Variants in GRID2 observed in about 807,000 individuals in gnomAD.
GRID2 encodes the protein glutamate receptor ionotropic, delta-2.
Under a neutral mutation model 114.8 loss-of-function variants are expected in GRID2, and 33 were observed. The observed-to-expected ratio is 0.29, with a 90% CI of 0.22 to 0.38. GRID2 has a LOEUF of 0.38. Among genes scored for constraint, GRID2 ranks in the 10% least tolerant of loss-of-function variants. GRID2 has a pLI of 1.00. For synonymous variants in GRID2, 505 were observed against 449.9 expected (o/e 1.12, Z -1.55); for missense variants, 1,184 against 1,257.7 (o/e 0.94, Z 0.89).
At chr4:93,396,909 G>A (rs1428586245) in intron 9 of GRID2, among the ~76,000 whole-genome samples, 2 of 151,890 alleles carry the variant, frequency 1.3e-5, no homozygotes, top group Non-Finnish European at 2.9e-5. Context: ...GTTTCAAAAC[G>A]TAATAGTCCA....
chr4:93,804,059 T>C (rs1421600269), intron 1 of GRID2, among the ~76,000 whole-genome samples: 3 of 152,174 alleles, frequency 2.0e-5, no homozygotes, highest in African/African-American at 7.2e-5. Flanking sequence ...TCCTTCACTT[T>C]GCAGGTTTTA....
intron 12 of GRID2, among the ~76,000 whole-genome samples, chr4:93,511,921 A>G (rs1729232198): frequency 6.6e-6 from 1 of 151,948 alleles, no homozygotes; most frequent in Non-Finnish European, 1.5e-5. Context: ...ATCTGGGATT[A>G]CAGGTGCATG....
chr4:93,440,131 C>T (rs10010189), intron 10 of GRID2, among the ~76,000 whole-genome samples: 12,467 of 152,020 alleles, frequency 0.082, 655 homozygotes, highest in African/African-American at 0.15. Context: ...GGGTTCTCAG[C>T]TGGGTGCCTG....
intron 8 of GRID2, among the ~76,000 whole-genome samples, chr4:93,377,403 G>T (rs547901024): frequency 6.6e-6 from 1 of 152,056 alleles, no homozygotes; most frequent in Non-Finnish European, 1.5e-5. Context: ...TCCTTGTAAG[G>T]TTAATTGGGT....
chr4:92,729,574 A>G (rs763455405), intron 2 of GRID2, among the ~76,000 whole-genome samples: 8 of 152,038 alleles, frequency 5.3e-5, no homozygotes, highest in Non-Finnish European at 1.2e-4. Context: ...TTAATGCGCT[A>G]AAGCGTAAGG....
At chr4:92,735,527 C>A (rs1173113065) in intron 2 of GRID2, among the ~76,000 whole-genome samples, 1 of 152,058 alleles carries the variant, frequency 6.6e-6, no homozygotes, top group East Asian at 1.9e-4. Flanking sequence ...ATGGGGACTA[C>A]TGTGTTTATT....
At chr4:92,988,917 C>T (rs572105481) in intron 2 of GRID2, among the ~76,000 whole-genome samples, 1 of 152,206 alleles carries the variant, frequency 6.6e-6, no homozygotes, top group South Asian at 2.1e-4. Flanking sequence ...TCAAGGTATT[C>T]TGTGTTTCCT....
intron 12 of GRID2, among the ~76,000 whole-genome samples, chr4:93,495,806 A>G (rs969285417): frequency 6.6e-6 from 1 of 151,786 alleles, no homozygotes; most frequent in Non-Finnish European, 1.5e-5. Flanking sequence ...CAGAAACTTC[A>G]TATTTCTAGG....
chr4:92,921,702 C>T (rs1749354466), intron 2 of GRID2, among the ~76,000 whole-genome samples: 1 of 152,156 alleles, frequency 6.6e-6, no homozygotes, highest in African/African-American at 2.4e-5. Context: ...GATTGTTCCT[C>T]TGGAAGTTTT....
At chr4:92,957,879 A>G (rs1005484910) in intron 2 of GRID2, among the ~76,000 whole-genome samples, 6 of 152,090 alleles carry the variant, frequency 3.9e-5, no homozygotes, top group Non-Finnish European at 5.9e-5. Context: ...ATTTTGTTAC[A>G]TTTATATTTA....
At chr4:92,436,118 A>T (rs36039865) in intron 1 of GRID2, among the ~76,000 whole-genome samples, 47,934 of 152,052 alleles carry the variant, frequency 0.32, 7,786 homozygotes, top group African/African-American at 0.38. Flanking sequence ...TGGATCCTAC[A>T]TGCTATGAAA....
Position 92,781,968 on chromosome 4 carries a change from G to A in GRID2, c.244+191682G>A, listed in dbSNP as rs147573612. 1.5e-3 allele frequency among the ~76,000 whole-genome samples: 222 copies of A among 151,918 alleles called. 1 individual carries two copies. The highest frequency in any genetic ancestry group is 5.0e-3 in the African/African-American group (208 of 41,486). On this transcript the variant is annotated intron_variant, in intron 2 of 15. Transcript: ENST00000282020. The stretch of plus-strand genomic sequence containing the variant: ...TGCTTATTTTTCTTTTTATGAATAG[G>A]GACTTTATTGTTTTTACTTTCGGTA...
At chr4:92,711,763 C>G (rs1037924159) in intron 2 of GRID2, among the ~76,000 whole-genome samples, 1 of 152,014 alleles carries the variant, frequency 6.6e-6, no homozygotes, top group Non-Finnish European at 1.5e-5. Flanking sequence ...ATTAGCCAGG[C>G]CTGGTGGCAG....
intron 4 of GRID2, among the ~76,000 whole-genome samples, chr4:93,139,900 ATGTC>A (rs2149385020): frequency 6.6e-6 from 1 of 152,314 alleles, no homozygotes; most frequent in Admixed American, 6.5e-5. Context: ...TATATAAAAT[ATGTC>A]TGGATCCTTC....
intron 2 of GRID2, among the ~76,000 whole-genome samples, chr4:92,614,044 A>G (rs761471592): frequency 6.6e-6 from 1 of 151,412 alleles, no homozygotes; most frequent in Admixed American, 6.6e-5. Flanking sequence ...TTGTTGGTGC[A>G]TTCCATATCC....
At chr4:92,409,372 C>A (rs1254219996) in intron 1 of GRID2, among the ~76,000 whole-genome samples, 1 of 152,100 alleles carries the variant, frequency 6.6e-6, no homozygotes, top group Non-Finnish European at 1.5e-5. Context: ...AAAAATCACA[C>A]AAGGGCCTAG....
chr4:92,668,627 A>G (rs918218572), intron 2 of GRID2, among the ~76,000 whole-genome samples: 1 of 151,854 alleles, frequency 6.6e-6, no homozygotes, highest in Non-Finnish European at 1.5e-5. Flanking sequence ...AACAGTTTAT[A>G]CAAGTCAGCA....
At chr4:92,594,248 G>T (rs1728845086) in intron 2 of GRID2, among the ~76,000 whole-genome samples, 1 of 151,718 alleles carries the variant, frequency 6.6e-6, no homozygotes, top group African/African-American at 2.4e-5. Context: ...AAAAGTAGCA[G>T]ATTTATGTTT....
At chr4:93,025,821 T>A (rs1238516504) in intron 2 of GRID2, among the ~76,000 whole-genome samples, 1 of 151,718 alleles carries the variant, frequency 6.6e-6, no homozygotes, top group Non-Finnish European at 1.5e-5. Context: ...ATGATAGATT[T>A]ATCAAGTCAT....
Sources: allele counts gnomAD v4.1 joint callset (sites outside exome capture counted in the v4.1 genomes callset), GRCh38; gene constraint gnomAD v4.1.1; transcripts MANE v1.5; gene names NCBI Gene and HGNC (gene_info 2026-07-23, HGNC 2026-07-21).